CYP2D6: variants seen among roughly 807,000 people sequenced by gnomAD.
CYP2D6 encodes cytochrome P450 family 2 subfamily D member 6 (gene/pseudogene), also known as cytochrome P450 2D6.
A neutral mutation model predicts 43.5 loss-of-function variants in CYP2D6; 51 were observed. The observed-to-expected ratio is 1.17, with a 90% CI of 0.94 to 1.48. CYP2D6 has a LOEUF of 1.48. Among genes scored for constraint, CYP2D6 ranks in the 40% most tolerant of loss-of-function variants. The pLI is 0.00. For synonymous variants in CYP2D6, 346 were observed against 297.1 expected, an observed-to-expected ratio of 1.16 and a Z score of -1.69; for missense variants, 698 against 688.0, an observed-to-expected ratio of 1.01 and a Z score of -0.16.
In CYP2D6 at chr22:42,126,684, G is replaced by A. The variant is rs1284658369; in HGVS notation, c.1384C>T (p.Gln462Ter). ...GTGGGCACCGAGAAGCTGAAGTGCT[G>A]CAGCAGGGAGGTGAAGAAGAGGAAG... ...ELFLFFTSLL[Q>*]HFSFSVPTGQ... The change falls in exon 9 of 9, where the codon CAG becomes TAG. Residue 462 changes from glutamine to a stop codon, truncating the protein, a stop_gained. Transcript: ENST00000645361. LOFTEE classifies it low-confidence loss of function (END_TRUNC). 6.9e-6 allele frequency: 11 copies of A among 1,601,590 alleles called. No homozygotes were observed. In the South Asian group the frequency reaches 7.9e-5, roughly 11 times the overall value.
chr22:42,127,907 A>G lies in CYP2D6; in HGVS notation c.920T>C (p.Met307Thr), dbSNP rs1481054852. ...GGCCAGCGTGGTCGAGGTGGTCACC[A>G]TCCCGGCAGAGAACAGGTCAGCCAC... The part of the protein sequence containing the change: ...IVVADLFSAG[M>T]VTTSTTLAWG... The change falls in exon 6 of 9, where the codon ATG becomes ACG. Residue 307 changes from methionine to threonine, a missense_variant. Physicochemically the swap from Met to Thr is moderately conservative, Grantham distance 81. This residue lies in a region of CYP2D6 where 588 missense variants were observed against 521.1 expected (regional missense o/e 1.13). Transcript: ENST00000645361. The G allele has an allele frequency of 3.1e-6, 5 of 1,610,992 alleles. 1 individual carries two copies. The highest frequency in any genetic ancestry group is 4.5e-5 in the East Asian group (2 of 44,766).
rs1931365063 is a variant in CYP2D6, at chr22:42,128,500, C to CAT, written c.667-151_667-150insAT. The CAT allele has an allele frequency of 2.0e-6, 2 of 1,013,656 alleles. 1 individual carries two copies. Among genetic ancestry groups the CAT allele is most frequent in the African/African-American group, 3.2e-5 (2 of 61,836 alleles). The allele number at this position is 1,013,656 out of a possible 1,614,324, so 62.8% of individuals were successfully genotyped here. On this transcript the variant is annotated intron_variant, in intron 4 of 8. Transcript: ENST00000645361. ...TCCCTCCCCAAGTGCCAGCCTCCACCCTCTCTCCTTGCCCAGAGGAGAAAC... is the reference window on the plus strand; with the variant it reads ...TCCCTCCCCAAGTGCCAGCCTCCACCATCTCTCTCCTTGCCCAGAGGAGAAAC...
At position 42,126,735 on chromosome 22, in the gene CYP2D6, C is replaced by T. The variant is rs751092905; in HGVS notation, c.1333G>A (p.Gly445Arg). 93 of 1,556,640 alleles carry T rather than the reference C, an allele frequency of 6.0e-5. 3 individuals carry two copies. The highest frequency in any genetic ancestry group is 3.5e-4 in the South Asian group (30 of 84,530). ...PFSAGRRACL[G>R]EPLARMELFL... ...AGCTCCATGCGGGCCAGGGGCTCCC[C>T]GAGGCATGCACGGCGGCCTGTGGGG... is the stretch of plus-strand genomic sequence containing the variant. Residue 445 changes from glycine to arginine, a missense_variant, in exon 9 of 9, where the codon GGG (glycine) becomes AGG (arginine). Physicochemically the swap from Gly to Arg is moderately radical, Grantham distance 125. Around this residue, in one of 5 missense-constraint regions of CYP2D6, gnomAD observed 85 missense variants for 81.2 expected, o/e 1.05. Transcript: ENST00000645361.
rs763143537 is a variant in CYP2D6, at chr22:42,126,582, G to A, written c.1486C>T (p.Pro496Ser). ...SPSPYELCAVPR is the reference protein window; with the variant it reads ...SPSPYELCAVSR ...GGACTAGGTACCCCATTCTAGCGGG[G>A]CACAGCACAAAGCTCATAGGGGGAT... The change falls in exon 9 of 9, where the codon CCC becomes TCC. Residue 496 changes from proline to serine, a missense_variant. Coordinates refer to ENST00000645361, the MANE Select transcript of CYP2D6 (RefSeq NM_000106.6). 8.8e-6 allele frequency: 14 copies of A among 1,587,760 alleles called. No individual in the cohort carries two copies. The highest frequency in any genetic ancestry group is 1.4e-5 in the African/African-American group (1 of 73,234).
intron 2 of CYP2D6, 141 bp from the exon 3 acceptor site, chr22:42,129,326 TC>T: frequency 8.8e-7 from 1 of 1,136,274 alleles, no homozygotes; most frequent in Non-Finnish European, 1.3e-6. Flanking sequence ...TCTTTGTGCA[TC>T]CACCTTGCTC....
chr22:42,127,731 G>A (rs1206340534), intron 6 of CYP2D6, 97 bp from the exon 7 acceptor site: 6 of 1,572,284 alleles, frequency 3.8e-6, no homozygotes, highest in East Asian at 2.2e-5. Flanking sequence ...CAGGCTTACA[G>A]GATCCTGGTC....
chr22:42,129,540 G>C (rs1931672996), intron 2 of CYP2D6, among the ~76,000 whole-genome samples, 198 bp downstream of exon 2: 1 of 151,504 alleles, frequency 6.6e-6, no homozygotes, highest in South Asian at 2.1e-4. Flanking sequence ...CTCGGCAGTG[G>C]CCCCGCCCAC....
At position 42,130,684 on chromosome 22, in the gene CYP2D6, G is replaced by C. The variant is rs143218187; in HGVS notation, c.108C>G (p.Gly36=). The change falls in exon 1 of 9, where the codon GGC becomes GGG. Residue 36 remains glycine, a synonymous_variant. Transcript: ENST00000645361. ...TGCCCAGCCCGGGCAGTGGCAGGGG[G>C]CCTGGTGGGTAGCGTGCAGCCCAGC... The part of the protein sequence containing the change: ...RQRWAARYPP[G]PLPLPGLGNL... The C allele has an allele frequency of 6.2e-7, 1 of 1,607,918 alleles. No homozygotes were observed. Among genetic ancestry groups the C allele is most frequent in the Non-Finnish European group, 8.5e-7 (1 of 1,176,894 alleles).
chr22:42,127,302 C>T, intron 7 of CYP2D6, 145 bp downstream of exon 7: 2 of 1,185,448 alleles, frequency 1.7e-6, no homozygotes, highest in Non-Finnish European at 2.4e-6. Flanking sequence ...ACTCTGGACC[C>T]CCCACCCAAG....
intron 2 of CYP2D6, chr22:42,129,492 G>T (rs1931661344): frequency 1.4e-6 from 1 of 722,996 alleles, no homozygotes; most frequent in South Asian, 1.6e-5. Flanking sequence ...TTCCAGCTGG[G>T]AAATGCGCCA....
intron 2 of CYP2D6, 28 bp from the exon 3 acceptor site, chr22:42,129,213 G>A (rs775232205): frequency 1.3e-6 from 2 of 1,596,414 alleles, no homozygotes; most frequent in Middle Eastern, 1.7e-4. Context: ...ACGTGCGCGT[G>A]GCCATGAAGG....
chr22:42,127,379 CAGTAG>C (rs1931091351), intron 7 of CYP2D6, 63 bp downstream of exon 7: 1 of 1,350,398 alleles, frequency 7.4e-7, no homozygotes, highest in African/African-American at 1.5e-5. Flanking sequence ...GCCCACCTGG[CAGTAG>C]CCATGCTGGG....
chr22:42,128,740 C>T (rs762412422), intron 4 of CYP2D6, 44 bp downstream of exon 4: 28 of 1,584,592 alleles, frequency 1.8e-5, no homozygotes, highest in East Asian at 4.6e-5. Context: ...CGGCACCTCT[C>T]GGGAGCTCGC....
chr22:42,129,374 TG>T, intron 2 of CYP2D6, 189 bp from the exon 3 acceptor site: 1 of 892,150 alleles, frequency 1.1e-6, no homozygotes, highest in Non-Finnish European at 1.8e-6. Context: ...ACCTCGTCTC[TG>T]CCCACCCTGA....
At chr22:42,128,703 T>G in intron 4 of CYP2D6, 81 bp downstream of exon 4, 1 of 1,496,740 alleles carries the variant, frequency 6.7e-7, no homozygotes, top group Non-Finnish European at 9.1e-7. Flanking sequence ...ATGCAAATCC[T>G]GCTCTTCCGA....
chr22:42,129,050 G>A lies in CYP2D6; in HGVS notation c.488C>T (p.Ala163Val), dbSNP rs1467779655. 3.1e-6 allele frequency: 5 copies of A among 1,607,768 alleles called. 1 individual carries two copies. In the Admixed American group the frequency reaches 5.0e-5, roughly 16 times the overall value. ...VTEEAACLCA[A>V]FANHSGRPFR... is the part of the protein sequence containing the mutation. ...TCACCCACCGGAGTGGTTGGCGAAG[G>A]CGGCACAAAGGCAGGCGGCCTCCTC... The change falls in exon 3 of 9, where the codon GCC (alanine) becomes GTC (valine). Residue 163 changes from alanine (A) to valine (V), a missense_variant. Coordinates refer to ENST00000645361, the MANE Select transcript of CYP2D6 (RefSeq NM_000106.6).
At chr22:42,129,710 ATCTG>A in intron 2 of CYP2D6, 24 bp downstream of exon 2, 4 of 1,608,826 alleles carry the variant, frequency 2.5e-6, no homozygotes, top group South Asian at 1.1e-5. Flanking sequence ...TCCCACGGAA[ATCTG>A]TCTCTGTCCC....
rs1397696580 is a variant in CYP2D6, at chr22:42,129,812, G to C, written c.278C>G (p.Thr93Ser). 2.5e-6 allele frequency: 4 copies of C among 1,605,032 alleles called. No homozygotes were observed. In the African/African-American group the frequency reaches 4.0e-5, roughly 16 times the overall value. ...GLAAVREALV[T>S]HGEDTADRPP... ...GCGGTCGGCGGTGTCCTCGCCGTGG[G>C]TCACCAGCGCCTCGCGCACGGCCGC... is the stretch of plus-strand genomic sequence containing the variant. Residue 93 changes from threonine (T) to serine (S), a missense_variant, in exon 2 of 9, where the codon ACC becomes AGC. Transcript: ENST00000645361.
At position 42,129,864 on chromosome 22, in the gene CYP2D6, T is replaced by A. The variant is rs1233673694; in HGVS notation, c.226A>T (p.Thr76Ser). The change falls in exon 2 of 9, where the codon ACG becomes TCG. Residue 76 changes from threonine (T) to serine (S), a missense_variant. This residue lies in a region of CYP2D6 where 588 missense variants were observed against 521.1 expected (regional missense o/e 1.13). Transcript: ENST00000645361. ...AGCCCATTGAGCACGACCACCGGCG[T>A]CCAGGCCAGCTGCAGGCTGAACACG... ...GDVFSLQLAW[T>S]PVVVLNGLAA... 1.3e-6 allele frequency: 2 copies of A among 1,596,078 alleles called. No homozygotes were observed.
Sources: gnomAD v4.1 joint callset for allele counts (sites outside exome capture counted in the v4.1 genomes callset) on GRCh38, gnomAD v4.1.1 for gene constraint, gnomAD v4.1.1 regional missense constraint, MANE v1.5 for transcripts, NCBI Gene and HGNC (gene_info 2026-07-23, HGNC 2026-07-21) for gene names.